Variants in PAWR observed in about 807,000 individuals in gnomAD.
The protein encoded by PAWR is pro-apoptotic WT1 regulator.
A neutral mutation model predicts 32.0 loss-of-function variants in PAWR; 23 were observed. The ratio of observed to expected loss-of-function variants is 0.72; its 90% confidence interval spans 0.52 to 1.02. The LOEUF is 1.02. PAWR is among the 50% of genes least tolerant of loss of function. The pLI is 0.00. For missense variants in PAWR, 457 were observed against 437.7 expected (o/e 1.04, Z -0.39); for synonymous variants, 226 against 187.1 (o/e 1.21, Z -1.70).
Position 79,657,081 on chromosome 12 carries a change from A to G in PAWR, c.516+32648T>C, listed in dbSNP as rs139084642. The stretch of plus-strand genomic sequence containing the variant: ...TGGGGAGAGTCATCCGAAAGGTTGA[A>G]GGAATAAACCTAAACAAAGCTGAGA... On this transcript the variant is annotated intron_variant, in intron 2 of 6. Transcript: ENST00000328827. Among the ~76,000 whole-genome samples the G allele has an allele frequency of 9.8e-5, 15 of 152,354 alleles. No individual in the cohort carries two copies. In the East Asian group the frequency reaches 2.9e-3, roughly 29 times the overall value.
intron 2 of PAWR, among the ~76,000 whole-genome samples, chr12:79,657,032 G>A (rs974372942): frequency 7.9e-5 from 12 of 152,116 alleles, no homozygotes; most frequent in East Asian, 3.9e-4. Context: ...AGCATCTTAC[G>A]CACATGAGGA....
Position 79,689,937 on chromosome 12 carries a change from G to T in PAWR, c.308C>A (p.Pro103His). Reference protein sequence around the residue: ...VGSAMLTRAAPGPRRSEDEPP... With the variant: ...VGSAMLTRAAHGPRRSEDEPP... ...CTCGTCCTCCGACCGCCGCGGGCCGGGGGCCGCCCGCGTCAGCATGGCGGA... is the reference window on the plus strand; with the variant it reads ...CTCGTCCTCCGACCGCCGCGGGCCGTGGGCCGCCCGCGTCAGCATGGCGGA... Residue 103 changes from proline to histidine, a missense_variant, in exon 2 of 7, where the codon CCC becomes CAC. By Grantham distance (77) the Pro-to-His change is moderately conservative. Transcript: ENST00000328827. 1 of 1,406,526 alleles carries T rather than the reference G, an allele frequency of 7.1e-7. No homozygotes were observed. 87.1% of individuals were successfully genotyped at this position (1,406,526 alleles called of 1,614,324 possible). A position where few individuals can be genotyped will look rare whatever the true frequency, so the allele number is the denominator to read the frequency against.
chr12:79,611,800 C>T (rs1035449997), intron 4 of PAWR, among the ~76,000 whole-genome samples: 5 of 152,172 alleles, frequency 3.3e-5, no homozygotes, highest in Middle Eastern at 3.4e-3. Flanking sequence ...GGACATATCA[C>T]AAGTAATGGT....
intron 4 of PAWR, among the ~76,000 whole-genome samples, chr12:79,607,262 C>T (rs1592496337): frequency 2.0e-5 from 3 of 151,844 alleles, no homozygotes; most frequent in Non-Finnish European, 4.4e-5. Context: ...CATCTCTAGC[C>T]TGGGTGACAC....
intron 2 of PAWR, among the ~76,000 whole-genome samples, chr12:79,661,869 C>A (rs1279808560): frequency 6.6e-6 from 1 of 151,934 alleles, no homozygotes; most frequent in Non-Finnish European, 1.5e-5. Flanking sequence ...GTTACAGCTG[C>A]TTAATCATAT....
At chr12:79,650,225 T>C (rs1592530616) in intron 2 of PAWR, among the ~76,000 whole-genome samples, 1 of 152,340 alleles carries the variant, frequency 6.6e-6, no homozygotes, top group Non-Finnish European at 1.5e-5. Flanking sequence ...TACTTCACAA[T>C]TAAAGTATAT....
rs143963482 is a variant in PAWR, at chr12:79,618,902, T to C, written c.648+2174A>G. Among the ~76,000 whole-genome samples the C allele has an allele frequency of 4.1e-3, 621 of 151,048 alleles. 12 individuals are homozygous for C. Among genetic ancestry groups the C allele is most frequent in the African/African-American group, 0.014 (589 of 41,214 alleles). On this transcript the variant is annotated intron_variant, in intron 3 of 6. Transcript: ENST00000328827. ...TTAATAATTACTACTCCATACTAAA[T>C]AGGGAAAAAAAAAATGAAGAAATAC...
chr12:79,601,950 A>G (rs927134302), intron 4 of PAWR, among the ~76,000 whole-genome samples: 1 of 152,226 alleles, frequency 6.6e-6, no homozygotes, highest in African/African-American at 2.4e-5. Context: ...GATTTTGTAT[A>G]TCTTACCAGC....
chr12:79,654,322 C>T (rs1381100514), intron 2 of PAWR, among the ~76,000 whole-genome samples: 2 of 152,088 alleles, frequency 1.3e-5, no homozygotes, highest in African/African-American at 4.8e-5. Context: ...AACAATGAGG[C>T]AGTACATGTG....
At chr12:79,672,387 T>C (rs891249374) in intron 2 of PAWR, among the ~76,000 whole-genome samples, 1 of 152,172 alleles carries the variant, frequency 6.6e-6, no homozygotes, top group African/African-American at 2.4e-5. Context: ...ACCTCTGTAA[T>C]GTCTGTTCCC....
chr12:79,644,198 T>C (rs1466571982), intron 2 of PAWR, among the ~76,000 whole-genome samples: 1 of 152,182 alleles, frequency 6.6e-6, no homozygotes, highest in Non-Finnish European at 1.5e-5. Context: ...CCCAAAGTTC[T>C]TGATCTCATT....
chr12:79,627,386 C>G (rs553771350), intron 2 of PAWR, among the ~76,000 whole-genome samples: 1 of 151,932 alleles, frequency 6.6e-6, no homozygotes, highest in African/African-American at 2.4e-5. Flanking sequence ...CATAAATGTC[C>G]TCTTTTGAGA....
chr12:79,611,229 A>C (rs1023053223), intron 4 of PAWR, among the ~76,000 whole-genome samples: 2 of 146,614 alleles, frequency 1.4e-5, no homozygotes, highest in African/African-American at 4.9e-5. Context: ...ATATTTATAT[A>C]TAAATCTTAT....
At chr12:79,650,036 G>C (rs560598374) in intron 2 of PAWR, among the ~76,000 whole-genome samples, 6 of 152,248 alleles carry the variant, frequency 3.9e-5, no homozygotes, top group African/African-American at 1.4e-4. Flanking sequence ...TGCCACTGCT[G>C]ATCTGATAGG....
chr12:79,600,396 A>G (rs1873911962), intron 4 of PAWR, among the ~76,000 whole-genome samples: 1 of 151,662 alleles, frequency 6.6e-6, no homozygotes, highest in East Asian at 1.9e-4. Flanking sequence ...TAAAATTACT[A>G]TATATTTTTA....
intron 2 of PAWR, among the ~76,000 whole-genome samples, chr12:79,684,912 C>A (rs1208117625): frequency 2.0e-5 from 3 of 152,140 alleles, no homozygotes; most frequent in Admixed American, 6.5e-5. Flanking sequence ...ACTGTGAGTG[C>A]AAACTATCTC....
intron 4 of PAWR, among the ~76,000 whole-genome samples, chr12:79,608,202 CTTGAGAATGAGG>C (rs999779849): frequency 2.0e-5 from 3 of 152,134 alleles, no homozygotes; most frequent in African/African-American, 7.2e-5. Context: ...TATGAAAGAG[CTTGAGAATGAGG>C]TTGAGAACTA....
At chr12:79,646,783 T>C (rs1470933810) in intron 2 of PAWR, among the ~76,000 whole-genome samples, 1 of 152,214 alleles carries the variant, frequency 6.6e-6, no homozygotes, top group African/African-American at 2.4e-5. Context: ...GTTACTTTAA[T>C]ATACATTAAA....
chr12:79,611,587 A>G lies in PAWR; in HGVS notation c.683+1988T>C, dbSNP rs555575093. On this transcript the variant is annotated intron_variant, in intron 4 of 6. Transcript: ENST00000328827. ...AGATAAGAGATAATTTCATATACAG[A>G]TTCTAGGTTTTGTGGCTTTTTAAGT... Among the ~76,000 whole-genome samples, 28 of 152,120 alleles carry G rather than the reference A, an allele frequency of 1.8e-4. No homozygotes were observed. The South Asian group carries it at 5.6e-3, about 30-fold the overall frequency.
Sources: gnomAD v4.1 joint callset for allele counts (sites outside exome capture counted in the v4.1 genomes callset) on GRCh38, gnomAD v4.1.1 for gene constraint, MANE v1.5 for transcripts, NCBI Gene and HGNC (gene_info 2026-07-23, HGNC 2026-07-21) for gene names.